The following DLC1 variants were observed in gnomAD, a reference collection of about 807,000 sequenced individuals.
The protein encoded by DLC1 is DLC1 Rho GTPase activating protein.
DLC1 carries 54 observed loss-of-function variants against 140.3 expected under a neutral mutation model. That is an observed-to-expected ratio of 0.38 (90% CI 0.31 to 0.48). The LOEUF (loss-of-function observed/expected upper bound fraction) is 0.48. Ranked by LOEUF, DLC1 falls within the 20% of genes least tolerant of loss-of-function variation. The probability of loss-of-function intolerance (pLI) is 0.96; values close to 1 mark genes in which losing one functional copy is unlikely to be tolerated. For synonymous variants in DLC1, 986 were observed against 728.1 expected (o/e 1.35, Z -5.70); for missense variants, 2,536 against 1,907.0 (o/e 1.33, Z -6.14).
At chr8:13,593,830 G>A (rs1805599495) in intron 1 of DLC1, among the ~76,000 whole-genome samples, 1 of 152,090 alleles carries the variant, frequency 6.6e-6, no homozygotes, top group Non-Finnish European at 1.5e-5. Context: ...GGTGGTGTGG[G>A]CAAAGATTTC....
At chr8:13,443,362 A>G in intron 2 of DLC1, among the ~76,000 whole-genome samples, 1 of 151,330 alleles carries the variant, frequency 6.6e-6, no homozygotes, top group Middle Eastern at 3.4e-3. Context: ...AAAAAAAAAA[A>G]AAACTGCCCA....
chr8:13,210,236 C>G (rs118049724), intron 5 of DLC1, among the ~76,000 whole-genome samples: 2 of 152,186 alleles, frequency 1.3e-5, no homozygotes, highest in Non-Finnish European at 2.9e-5. Flanking sequence ...GAGTTCTATC[C>G]TGTTCTTTTG....
At chr8:13,162,429 T>A (rs1442592748) in intron 5 of DLC1, among the ~76,000 whole-genome samples, 2 of 152,144 alleles carry the variant, frequency 1.3e-5, no homozygotes, top group East Asian at 3.9e-4. Context: ...TTCAAGAGAT[T>A]TTCCTGCCTC....
intron 2 of DLC1, among the ~76,000 whole-genome samples, chr8:13,407,068 C>T (rs1301408799): frequency 1.3e-5 from 2 of 152,114 alleles, no homozygotes; most frequent in Non-Finnish European, 2.9e-5. Context: ...CTCTTTCAGA[C>T]ATAGGTCAAT....
intron 1 of DLC1, among the ~76,000 whole-genome samples, chr8:13,549,783 T>C (rs1318785470): frequency 6.6e-6 from 1 of 152,060 alleles, no homozygotes; most frequent in Non-Finnish European, 1.5e-5. Context: ...GGCTCAGGCA[T>C]GTCATGCATT....
chr8:13,437,668 C>T (rs1378979159), intron 2 of DLC1, among the ~76,000 whole-genome samples: 1 of 152,142 alleles, frequency 6.6e-6, no homozygotes, highest in African/African-American at 2.4e-5. Flanking sequence ...CTCCCAGGGA[C>T]AACTGTGTAG....
intron 1 of DLC1, among the ~76,000 whole-genome samples, chr8:13,544,231 G>T (rs1245885619): frequency 6.7e-6 from 1 of 149,136 alleles, no homozygotes; most frequent in South Asian, 2.1e-4. Context: ...CACACAAATA[G>T]GAAGTAACTT....
intron 4 of DLC1, among the ~76,000 whole-genome samples, chr8:13,312,868 C>T (rs1832736493): frequency 6.6e-6 from 1 of 152,088 alleles, no homozygotes; most frequent in South Asian, 2.1e-4. Flanking sequence ...GTAATGTAGA[C>T]ATGTAGGCTG....
chr8:13,117,873 G>T (rs1820699302), intron 5 of DLC1, among the ~76,000 whole-genome samples: 1 of 152,200 alleles, frequency 6.6e-6, no homozygotes, highest in Admixed American at 6.5e-5. Context: ...AAGAGGCATG[G>T]AAGATGTAAG....
At chr8:13,212,595 G>C (rs1303433464) in intron 5 of DLC1, among the ~76,000 whole-genome samples, 2 of 152,068 alleles carry the variant, frequency 1.3e-5, no homozygotes, top group African/African-American at 4.8e-5. Context: ...TAACTATGAT[G>C]TGATAGTTTA....
chr8:13,457,247 T>C (rs1799433293), intron 2 of DLC1, among the ~76,000 whole-genome samples: 1 of 152,198 alleles, frequency 6.6e-6, no homozygotes, highest in Non-Finnish European at 1.5e-5. Context: ...AAAGCCACTG[T>C]CTATTTTGTT....
chr8:13,547,851 C>G (rs1410246075), intron 1 of DLC1, among the ~76,000 whole-genome samples: 2 of 151,732 alleles, frequency 1.3e-5, no homozygotes, highest in Non-Finnish European at 2.9e-5. Flanking sequence ...TTCTAAAACA[C>G]ACTTATCTTG....
chr8:13,445,410 C>G (rs546985631), intron 2 of DLC1, among the ~76,000 whole-genome samples: 1 of 152,286 alleles, frequency 6.6e-6, no homozygotes, highest in African/African-American at 2.4e-5. Flanking sequence ...AGCACAGATA[C>G]ATAGTTTAAA....
At chr8:13,560,750 T>A (rs561682361) in intron 1 of DLC1, among the ~76,000 whole-genome samples, 1 of 152,150 alleles carries the variant, frequency 6.6e-6, no homozygotes, top group South Asian at 2.1e-4. Flanking sequence ...GTTAATCTAA[T>A]ATGGCTAGTG....
At chr8:13,453,424 G>GTATATATATA (rs1173719745) in intron 2 of DLC1, among the ~76,000 whole-genome samples, 1 of 56,538 alleles carries the variant, frequency 1.8e-5, no homozygotes, top group Non-Finnish European at 2.6e-5. Flanking sequence ...ATATATATAT[G>GTATATATATA]TGTATATATA....
intron 5 of DLC1, among the ~76,000 whole-genome samples, chr8:13,214,047 G>T (rs188405810): frequency 6.6e-6 from 1 of 152,228 alleles, no homozygotes; most frequent in East Asian, 1.9e-4. Flanking sequence ...GCCTCCCAAA[G>T]TGTTGGGTTT....
At chr8:13,271,664 C>G (rs539117572) in intron 5 of DLC1, among the ~76,000 whole-genome samples, 1 of 152,230 alleles carries the variant, frequency 6.6e-6, no homozygotes, top group South Asian at 2.1e-4. Flanking sequence ...TTTCTTCTTT[C>G]TCTTAAATAT....
At position 13,092,707 on chromosome 8, in the gene DLC1, T is replaced by C; in HGVS notation, c.3645A>G (p.Val1215=). ...TGGTTGGGGTCATCTGGTTTTCTTT[T>C]ACGGCTGCTGTGACATCGCTCAGGA... ...LYFLSDVTAA[V]KENQMTPTNL... Residue 1215 remains valine, a synonymous_variant, in exon 13 of 18, where the codon GTA becomes GTG. Transcript: ENST00000276297. 2 of 1,614,192 alleles carry C rather than the reference T, an allele frequency of 1.2e-6. No individual in the cohort carries two copies. The highest frequency in any genetic ancestry group is 4.5e-5 in the East Asian group (2 of 44,876).
Position 13,514,608 on chromosome 8 carries a change from A to G in DLC1, c.-132T>C, listed in dbSNP as rs1802523015. On this transcript the variant is annotated 5_prime_UTR_variant, in exon 1 of 18. Coordinates refer to ENST00000276297, the MANE Select transcript of DLC1 (RefSeq NM_182643.3). ...ATAGTCCATAGCGTCTTACCTAGAC[A>G]ACGAGGAGCTGAAACGCCAAGGCAT... 1 of 398,576 alleles carries G rather than the reference A, an allele frequency of 2.5e-6. No homozygotes were observed. Among genetic ancestry groups the G allele is most frequent in the Non-Finnish European group, 4.4e-6 (1 of 226,034 alleles). 24.7% of individuals were successfully genotyped at this position (398,576 alleles called of 1,614,324 possible).
Sources: allele counts gnomAD v4.1 joint callset (sites outside exome capture counted in the v4.1 genomes callset), GRCh38; gene constraint gnomAD v4.1.1; transcripts MANE v1.5; gene names NCBI Gene and HGNC (gene_info 2026-07-23, HGNC 2026-07-21).